The following LARP4B variants were observed in gnomAD, a reference collection of about 807,000 sequenced individuals.
The protein encoded by LARP4B is la-related protein 4B.
A neutral mutation model predicts 89.8 loss-of-function variants in LARP4B; 12 were observed. The ratio of observed to expected loss-of-function variants is 0.13; its 90% CI spans 0.09 to 0.22. The LOEUF is 0.22. LARP4B is among the 10% of genes least tolerant of loss of function. The pLI, the probability that LARP4B is intolerant of heterozygous loss-of-function variation, is 1.00. For missense variants in LARP4B, 757 were observed against 947.7 expected (o/e 0.80, Z 2.64); for synonymous variants, 367 against 363.3 (o/e 1.01, Z -0.12).
intron 1 of LARP4B, among the ~76,000 whole-genome samples, chr10:922,332 G>A (rs976928389): frequency 6.6e-5 from 10 of 152,204 alleles, no homozygotes; most frequent in African/African-American, 1.9e-4. Flanking sequence ...GCCATGATGG[G>A]TACGGGTCGG....
At chr10:862,329 C>A (rs1834667054) in intron 5 of LARP4B, among the ~76,000 whole-genome samples, 1 of 144,070 alleles carries the variant, frequency 6.9e-6, no homozygotes, top group Non-Finnish European at 1.5e-5. Context: ...GTGACAGTTT[C>A]TGACTTTGAC....
downstream of LARP4B, chr10:807,030 G>A (rs1831583263): frequency 6.6e-6 from 1 of 152,278 alleles, no homozygotes; most frequent in Non-Finnish European, 1.5e-5. Flanking sequence ...CCTTCAGACA[G>A]GGCACAGGCG....
chr10:921,755 A>G (rs1836985373), intron 1 of LARP4B, among the ~76,000 whole-genome samples: 2 of 152,144 alleles, frequency 1.3e-5, no homozygotes, highest in African/African-American at 4.8e-5. Context: ...CAGTCCTTTC[A>G]TGCTTAGGTT....
Position 864,157 on chromosome 10 carries a change from C to T in LARP4B, c.255G>A (p.Glu85=). Residue 85 remains glutamate (E), a synonymous_variant, in exon 4 of 18, where the codon GAG becomes GAA. Coordinates refer to ENST00000316157, the MANE Select transcript of LARP4B (RefSeq NM_015155.3). ...CACGGTCTGCGTGGTGGCCAGCCAC[C>T]TCCTCCCATGCAGCACTCACACCGT... is the stretch of plus-strand genomic sequence containing the variant. ...AADGVSAAWE[E]VAGHHADRGP... The T allele has an allele frequency of 2.5e-6, 4 of 1,614,220 alleles. No homozygotes were observed. The highest frequency in any genetic ancestry group is 3.4e-6 in the Non-Finnish European group (4 of 1,180,042).
At chr10:939,752 C>T in the LARP4B span, among the ~76,000 whole-genome samples, 1 of 152,220 alleles carries the variant, frequency 6.6e-6, no homozygotes, top group Non-Finnish European at 1.5e-5. Flanking sequence ...TTGGATGTTT[C>T]AGGAAGAGGC....
chr10:948,314 T>C, the LARP4B span, among the ~76,000 whole-genome samples: 2 of 152,230 alleles, frequency 1.3e-5, no homozygotes, highest in African/African-American at 2.4e-5. Context: ...TGACCTGATC[T>C]CGGCTCCCTG....
chr10:958,923 C>T, the LARP4B span, among the ~76,000 whole-genome samples: 2 of 152,208 alleles, frequency 1.3e-5, no homozygotes, highest in African/African-American at 2.4e-5. Context: ...AGAAACAAAA[C>T]GCATTAGACC....
At chr10:865,561 TC>T (rs1834859376) in intron 3 of LARP4B, among the ~76,000 whole-genome samples, 1 of 152,134 alleles carries the variant, frequency 6.6e-6, no homozygotes, top group Non-Finnish European at 1.5e-5. Context: ...CGTCCGTCTG[TC>T]CAGAACATCC....
At chr10:943,308 TCAG>T in the LARP4B span, among the ~76,000 whole-genome samples, 3 of 152,156 alleles carry the variant, frequency 2.0e-5, no homozygotes, top group Non-Finnish European at 4.4e-5. Flanking sequence ...TTCTGGGACT[TCAG>T]CAGCCTCCCT....
chr10:937,598 C>G, the LARP4B span, among the ~76,000 whole-genome samples: 2 of 152,132 alleles, frequency 1.3e-5, no homozygotes, highest in Non-Finnish European at 2.9e-5. Context: ...CCCCCCTCCC[C>G]CACACCACTA....
At chr10:943,756 G>T in the LARP4B span, among the ~76,000 whole-genome samples, 2 of 152,024 alleles carry the variant, frequency 1.3e-5, no homozygotes, top group African/African-American at 4.8e-5. Context: ...GGTGCAGGGG[G>T]GCCCAGGTCA....
At chr10:956,738 G>C in the LARP4B span, among the ~76,000 whole-genome samples, 1 of 152,198 alleles carries the variant, frequency 6.6e-6, no homozygotes, top group Non-Finnish European at 1.5e-5. This position sits in a 1 kb window ranked among gnomAD's most constrained non-coding sequence, Gnocchi z 4.3. Context: ...TGGGCTGTGG[G>C]CTACAGGATC....
intron 6 of LARP4B, among the ~76,000 whole-genome samples, chr10:844,715 G>C (rs907450651): frequency 2.6e-5 from 4 of 152,044 alleles, no homozygotes; most frequent in African/African-American, 9.7e-5. Flanking sequence ...GAGGAAGTCT[G>C]ACTCGGCAGC....
chr10:864,105 C>G lies in LARP4B; in HGVS notation c.289+18G>C. On this transcript the variant is annotated intron_variant, in intron 4 of 17. Transcript: ENST00000316157. ...CCTGAAAGCAGGGGGCTGCACACCA[C>G]GGCCATGCTCAACTTACCCTGCGGG... is the stretch of plus-strand genomic sequence containing the variant. 1 of 1,613,948 alleles carries G rather than the reference C, an allele frequency of 6.2e-7. No individual in the cohort carries two copies. Among genetic ancestry groups the G allele is most frequent in the Non-Finnish European group, 8.5e-7 (1 of 1,179,870 alleles).
chr10:842,529 A>G (rs1833574196), intron 7 of LARP4B, among the ~76,000 whole-genome samples: 1 of 152,168 alleles, frequency 6.6e-6, no homozygotes, highest in Non-Finnish European at 1.5e-5. Context: ...TGCAATAATT[A>G]TTTCATCCGA....
the LARP4B span, among the ~76,000 whole-genome samples, chr10:967,655 T>C: frequency 6.6e-6 from 1 of 152,140 alleles, no homozygotes; most frequent in East Asian, 1.9e-4. Context: ...GAAGCCAGCC[T>C]GACACTGGGC....
the LARP4B span, among the ~76,000 whole-genome samples, chr10:959,284 T>G: frequency 6.6e-6 from 1 of 151,978 alleles, no homozygotes; most frequent in African/African-American, 2.4e-5. Flanking sequence ...TTTGGCAGCA[T>G]TTGTTGGTGA....
rs1332820604 is a variant in LARP4B at position 811,846 on chromosome 10, T to C, written c.*1080A>G. 1 of 152,520 alleles carries C rather than the reference T, an allele frequency of 6.6e-6. No homozygotes were observed. Among genetic ancestry groups the C allele is most frequent in the Non-Finnish European group, 1.5e-5 (1 of 68,048 alleles). 9.4% of individuals were successfully genotyped at this position (152,520 alleles called of 1,614,324 possible). ...TTTATTATAAACTTGCTAACTTTAG[T>C]GCATCCTTGTTCTTCAGAAGTGCAG... On this transcript the variant is annotated 3_prime_UTR_variant, in exon 18 of 18. Coordinates refer to ENST00000316157, the MANE Select transcript of LARP4B (RefSeq NM_015155.3).
At chr10:889,037 A>T (rs1050678871) in intron 1 of LARP4B, among the ~76,000 whole-genome samples, 5 of 152,206 alleles carry the variant, frequency 3.3e-5, no homozygotes, top group African/African-American at 1.2e-4. Flanking sequence ...GTAAGCCGAG[A>T]TCGCACCACT....
Sources: allele counts gnomAD v4.1 joint callset (sites outside exome capture counted in the v4.1 genomes callset), GRCh38; gene constraint gnomAD v4.1.1; non-coding constraint Gnocchi (gnomAD v3.1); transcripts MANE v1.5; gene names NCBI Gene and HGNC (gene_info 2026-07-23, HGNC 2026-07-21).